Variants in RRP7A observed in about 807,000 individuals in gnomAD.
RRP7A encodes ribosomal RNA processing 7 homolog A, also known as ribosomal RNA-processing protein 7 homolog A.
A neutral mutation model predicts 38.4 loss-of-function variants in RRP7A; 27 were observed. The observed-to-expected ratio is 0.70, with a 90% CI of 0.52 to 0.97. The LOEUF is 0.97. RRP7A is among the 50% of genes least tolerant of loss of function. The pLI is 0.00. For missense variants in RRP7A, 327 were observed against 375.4 expected, an observed-to-expected ratio of 0.87 and a Z score of 1.07; for synonymous variants, 124 against 150.3, an observed-to-expected ratio of 0.83 and a Z score of 1.28.
rs1346677263 is a variant in RRP7A, at chr22:42,512,819, G to C, written c.*91C>G. 5.2e-5 allele frequency: 71 copies of C among 1,367,300 alleles called. No individual in the cohort carries two copies. The highest frequency in any genetic ancestry group is 6.8e-5 in the Non-Finnish European group (66 of 974,762). The allele number at this position is 1,367,300 out of a possible 1,614,324, so 84.7% of individuals were successfully genotyped here. On this transcript the variant is annotated 3_prime_UTR_variant, in exon 7 of 7. Transcript: ENST00000323013. The stretch of plus-strand genomic sequence containing the variant: ...GTGGCCTTCAACCTGGGGCCCGTTG[G>C]CCAGAGCTCGGCCTCTCAGAGACCG...
At position 42,515,892 on chromosome 22, in the gene RRP7A, G is replaced by A. The variant is rs542021629; in HGVS notation, c.342+119C>T. ...CCAGACAGTCTCTTACACCACACACGGTGAGGATGGGCTCAGGACCAGAGA... is the reference window on the plus strand; with the variant it reads ...CCAGACAGTCTCTTACACCACACACAGTGAGGATGGGCTCAGGACCAGAGA... On this transcript the variant is annotated intron_variant, in intron 3 of 6. Transcript: ENST00000323013. 27 of 1,286,840 alleles carry A rather than the reference G, an allele frequency of 2.1e-5. 1 individual carries two copies. The highest frequency in any genetic ancestry group is 2.0e-4 in the East Asian group (8 of 40,840). The allele number at this position is 1,286,840 out of a possible 1,614,324, so 79.7% of individuals were successfully genotyped here. A position where few individuals can be genotyped will look rare whatever the true frequency, so the allele number is the denominator to read the frequency against.
rs113473487 is a variant in RRP7A, at chr22:42,510,050, C to T, written c.*2860G>A. On this transcript the variant is annotated 3_prime_UTR_variant, in exon 7 of 7. Coordinates refer to ENST00000323013, the MANE Select transcript of RRP7A (RefSeq NM_015703.5). ...TGCAATCTCAGCTCACTGCAAGGTC[C>T]GCCTCCCGGGTTCACGCCATTCTCC... is the stretch of plus-strand genomic sequence containing the variant. The T allele has an allele frequency of 0.12, 17,474 of 149,930 alleles. 1,261 individuals carry two copies. Among genetic ancestry groups the T allele is most frequent in the Admixed American group, 0.18 (2,628 of 14,968 alleles). The allele number at this position is 149,930 out of a possible 1,614,324, so 9.3% of individuals were successfully genotyped here.
intron 2 of RRP7A, among the ~76,000 whole-genome samples, chr22:42,517,670 C>T (rs1396586936): frequency 1.3e-5 from 2 of 152,026 alleles, no homozygotes; most frequent in Non-Finnish European, 2.9e-5. Context: ...CCCACACATG[C>T]CATCATGCCT....
intron 3 of RRP7A, among the ~76,000 whole-genome samples, chr22:42,515,668 G>T (rs1197185095): frequency 6.6e-6 from 1 of 152,176 alleles, no homozygotes; most frequent in Non-Finnish European, 1.5e-5. Flanking sequence ...TGGGAAAGCT[G>T]TGAACAACAG....
Position 42,512,637 on chromosome 22 carries a change from G to A in RRP7A, c.*273C>T, listed in dbSNP as rs539741243. On this transcript the variant is annotated 3_prime_UTR_variant, in exon 7 of 7. Coordinates refer to ENST00000323013, the MANE Select transcript of RRP7A (RefSeq NM_015703.5). ...AGGAAGCACAGAACGGATTCATCCA[G>A]GGTCCTGGAGAGGAGGGTGTGGAGG... 1.2e-5 allele frequency: 7 copies of A among 580,392 alleles called. No homozygotes were observed. Among genetic ancestry groups the A allele is most frequent in the East Asian group, 2.9e-5 (1 of 34,728 alleles). The allele number at this position is 580,392 out of a possible 1,614,324, so 36.0% of individuals were successfully genotyped here. A position where few individuals can be genotyped will look rare whatever the true frequency, so the allele number is the denominator to read the frequency against.
rs770011114 is a variant in RRP7A at position 42,512,951 on chromosome 22, T to C, written c.802A>G (p.Ile268Val). The change falls in exon 7 of 7, where the codon ATC becomes GTC. Residue 268 changes from isoleucine to valine, a missense_variant. Around this residue, in one of 5 missense-constraint regions of RRP7A, gnomAD observed 84 missense variants for 82.8 expected, o/e 1.01. Coordinates refer to ENST00000323013, the MANE Select transcript of RRP7A (RefSeq NM_015703.5). The part of the protein sequence containing the change: ...RKKFEEDKQR[I>V]ELLRAQRKFR... ...TTGCGCTGGGCCCGCAGCAGCTCGATCCTCTGCTTGTCCTCCTCGAACTTC... is the reference window on the plus strand; with the variant it reads ...TTGCGCTGGGCCCGCAGCAGCTCGACCCTCTGCTTGTCCTCCTCGAACTTC... 1 of 1,613,574 alleles carries C rather than the reference T, an allele frequency of 6.2e-7. No homozygotes were observed. Among genetic ancestry groups the C allele is most frequent in the Non-Finnish European group, 8.5e-7 (1 of 1,179,796 alleles).
chr22:42,514,405 C>CG, intron 5 of RRP7A, 101 bp from the exon 6 acceptor site: 1 of 824,702 alleles, frequency 1.2e-6, no homozygotes, highest in South Asian at 1.7e-5. Context: ...CCTGAGCCCC[C>CG]GCAGGGGAGG....
Position 42,512,124 on chromosome 22 carries a change from C to G in RRP7A, c.*786G>C, listed in dbSNP as rs1932484814. ...CACCCCCTCCCCTCTCCAGCGGTTCCAGTTTGTGGAAGTCCCAGGCAATCA... is the reference window on the plus strand; with the variant it reads ...CACCCCCTCCCCTCTCCAGCGGTTCGAGTTTGTGGAAGTCCCAGGCAATCA... On this transcript the variant is annotated 3_prime_UTR_variant, in exon 7 of 7. Coordinates refer to ENST00000323013, the MANE Select transcript of RRP7A (RefSeq NM_015703.5). 1 of 1,522,738 alleles carries G rather than the reference C, an allele frequency of 6.6e-7. No individual in the cohort carries two copies. 94.3% of individuals were successfully genotyped at this position (1,522,738 alleles called of 1,614,324 possible).
At position 42,516,130 on chromosome 22, in the gene RRP7A, G is replaced by T. The variant is rs8139383; in HGVS notation, c.223C>A (p.Leu75Met). 153,814 of 1,599,612 alleles carry T rather than the reference G, an allele frequency of 0.096. 1,134 individuals carry two copies. The highest frequency in any genetic ancestry group is 0.14 in the Middle Eastern group (826 of 6,006). ...NVPPYCTEES[L>M]SRLLSTCGLV... ...CCACAGGTGGACAGGAGGCGGGACA[G>T]GCTCTCCTGCCGCAGGGAGAGGGAA... Residue 75 changes from leucine (L) to methionine (M), a missense_variant, in exon 3 of 7, where the codon CTG becomes ATG. By Grantham distance (15) the Leu-to-Met change is conservative. This residue lies in a region of RRP7A where 183 missense variants were observed against 141.8 expected (regional missense o/e 1.29). Transcript: ENST00000323013.
chr22:42,517,952 G>A (rs1920935251), intron 2 of RRP7A, 53 bp downstream of exon 2: 3 of 1,586,848 alleles, frequency 1.9e-6, no homozygotes, highest in Non-Finnish European at 1.7e-6. Flanking sequence ...TGGAGGCCAT[G>A]GGAGCCCCCA....
rs762318863 is a variant in RRP7A at position 42,518,033 on chromosome 22, A to G, written c.188T>C (p.Val63Ala). The change falls in exon 2 of 7, where the codon GTC (valine) becomes GCC (alanine). Residue 63 changes from valine to alanine, a missense_variant. Physicochemically the swap from Val to Ala is moderately conservative, Grantham distance 64. This residue lies in a region of RRP7A where 183 missense variants were observed against 141.8 expected (regional missense o/e 1.29). Coordinates refer to ENST00000323013, the MANE Select transcript of RRP7A (RefSeq NM_015703.5). The stretch of plus-strand genomic sequence containing the variant: ...TGTGCAGTATGGGGGCACATTGAGG[A>G]CAAAAAGAGTCCTCTTCTGAGGCCA... ...STWPQKRTLFVLNVPPYCTEE... is the reference protein window; with the variant it reads ...STWPQKRTLFALNVPPYCTEE... 8 of 1,613,732 alleles carry G rather than the reference A, an allele frequency of 5.0e-6. No individual in the cohort carries two copies. In the South Asian group the frequency reaches 8.8e-5, roughly 18 times the overall value.
chr22:42,512,360 C>A lies in RRP7A; in HGVS notation c.*550G>T. ...GGCCTCACTAGTCTTGAGGCCCAGC[C>A]TAGGATGGTAGTCAGGGGAAGGAGC... is the stretch of plus-strand genomic sequence containing the variant. On this transcript the variant is annotated 3_prime_UTR_variant, in exon 7 of 7. Transcript: ENST00000323013. The A allele has an allele frequency of 2.5e-6, 2 of 810,480 alleles. No homozygotes were observed. Among genetic ancestry groups the A allele is most frequent in the South Asian group, 1.6e-5 (1 of 63,336 alleles). 50.2% of individuals were successfully genotyped at this position (810,480 alleles called of 1,614,324 possible). A position where few individuals can be genotyped will look rare whatever the true frequency, so the allele number is the denominator to read the frequency against.
At chr22:42,519,296 G>A (rs994335362) in intron 1 of RRP7A, among the ~76,000 whole-genome samples, 1 of 151,328 alleles carries the variant, frequency 6.6e-6, no homozygotes, top group African/African-American at 2.4e-5. Flanking sequence ...GTGGAGAACA[G>A]AAGCAGGGGC....
At chr22:42,517,053 G>A (rs890645573) in intron 2 of RRP7A, among the ~76,000 whole-genome samples, 8 of 152,048 alleles carry the variant, frequency 5.3e-5, no homozygotes, top group Non-Finnish European at 8.8e-5. Context: ...TGAAGGGGGC[G>A]GATTACTTCA....
At position 42,511,903 on chromosome 22, in the gene RRP7A, C is replaced by T. The variant is rs915221328; in HGVS notation, c.*1007G>A. On this transcript the variant is annotated 3_prime_UTR_variant, in exon 7 of 7. Coordinates refer to ENST00000323013, the MANE Select transcript of RRP7A (RefSeq NM_015703.5). The stretch of plus-strand genomic sequence containing the variant: ...CTTCACAACTCAGCTGGCCTAGACC[C>T]CTGGGAGGCCTCCAAGTCCCTAAGG... The T allele has an allele frequency of 8.0e-6, 5 of 621,300 alleles. No homozygotes were observed. The Admixed American group carries it at 1.4e-4, about 18-fold the overall frequency. 38.5% of individuals were successfully genotyped at this position (621,300 alleles called of 1,614,324 possible).
chr22:42,519,535 G>A (rs1219587504), intron 1 of RRP7A, among the ~76,000 whole-genome samples, 179 bp downstream of exon 1: 1 of 152,136 alleles, frequency 6.6e-6, no homozygotes, highest in Non-Finnish European at 1.5e-5. Context: ...AGGCAGAAGG[G>A]CGCCGCCTGG....
intron 1 of RRP7A, 79 bp downstream of exon 1, chr22:42,519,635 A>C: frequency 1.6e-6 from 2 of 1,217,204 alleles, no homozygotes; most frequent in Non-Finnish European, 1.1e-6. Context: ...GCTCCTGGGG[A>C]CCCCCGGCCG....
At chr22:42,513,178 C>T (rs1233764847) in intron 6 of RRP7A, among the ~76,000 whole-genome samples, 183 bp from the exon 7 acceptor site, 3 of 145,062 alleles carry the variant, frequency 2.1e-5, no homozygotes, top group South Asian at 4.2e-4. Flanking sequence ...ACAGAACCGA[C>T]GGCAGGCCGA....
chr22:42,517,161 CCAG>C (rs1465103443), intron 2 of RRP7A, among the ~76,000 whole-genome samples: 1 of 151,878 alleles, frequency 6.6e-6, no homozygotes, highest in East Asian at 1.9e-4. Flanking sequence ...GCCTGTAATT[CCAG>C]CTGCTTGGGA....
Sources: allele counts gnomAD v4.1 joint callset (sites outside exome capture counted in the v4.1 genomes callset), GRCh38; gene constraint gnomAD v4.1.1; regional missense constraint gnomAD v4.1.1; transcripts MANE v1.5; gene names NCBI Gene and HGNC (gene_info 2026-07-23, HGNC 2026-07-21).